GRK4: variants seen among roughly 807,000 people sequenced by gnomAD.
The protein encoded by GRK4 is G protein-coupled receptor kinase 2-like.
In GRK4, 73 loss-of-function variants were observed where a neutral mutation model predicts 77.9. That is an observed-to-expected ratio of 0.94 (90% CI 0.78 to 1.14). GRK4 has a LOEUF of 1.14. Among genes scored for constraint, GRK4 ranks in the 50% most tolerant of loss-of-function variants. GRK4 has a pLI of 0.00. For missense variants in GRK4, 729 were observed against 700.2 expected (o/e 1.04, Z -0.46); for synonymous variants, 257 against 254.4 (o/e 1.01, Z -0.10).
chr4:2,975,301 CA>C (rs1720783884), intron 1 of GRK4, among the ~76,000 whole-genome samples: 1 of 152,208 alleles, frequency 6.6e-6, no homozygotes, highest in African/African-American at 2.4e-5. Context: ...GACTCTGTCT[CA>C]AAAAAAGACC....
chr4:2,980,549 T>G (rs2109518194), intron 1 of GRK4, among the ~76,000 whole-genome samples: 1 of 151,720 alleles, frequency 6.6e-6, no homozygotes, highest in Non-Finnish European at 1.5e-5. Flanking sequence ...GAACAGCACC[T>G]AGATGAGGCA....
intron 12 of GRK4, among the ~76,000 whole-genome samples, chr4:3,030,312 C>CA (rs1244862536): frequency 6.6e-6 from 1 of 152,246 alleles, no homozygotes. Flanking sequence ...TGTCAGGGTC[C>CA]ATCTGCCTCT....
chr4:3,027,930 A>G lies in GRK4; in HGVS notation c.989A>G (p.Asp330Gly), dbSNP rs1738035922. ...LDDRGHIRIS[D>G]LGLATEIPEG... is the part of the protein sequence containing the mutation. ...CACACAGGACACATCCGGATTTCAG[A>G]CCTCGGTTTGGCCACAGAGATCCCA... Residue 330 changes from aspartate to glycine, a missense_variant, in exon 11 of 16, where the codon GAC becomes GGC. Coordinates refer to ENST00000398052, the MANE Select transcript of GRK4 (RefSeq NM_182982.3). 1.9e-6 allele frequency: 3 copies of G among 1,613,856 alleles called. No individual in the cohort carries two copies. Among genetic ancestry groups the G allele is most frequent in the South Asian group, 2.2e-5 (2 of 91,064 alleles).
intron 11 of GRK4, 47 bp downstream of exon 11, chr4:3,028,048 T>C: frequency 1.3e-6 from 2 of 1,547,074 alleles, no homozygotes; most frequent in East Asian, 2.2e-5. Context: ...TCCGGGTGCC[T>C]GAGTGCCTCA....
intron 8 of GRK4, among the ~76,000 whole-genome samples, chr4:3,015,860 G>A (rs1037017745): frequency 7.9e-5 from 12 of 151,092 alleles, no homozygotes; most frequent in Non-Finnish European, 1.5e-4. Flanking sequence ...GATCACTTGA[G>A]CCCAGGAGTT....
At chr4:3,005,595 G>C (rs1731081221) in intron 5 of GRK4, among the ~76,000 whole-genome samples, 1 of 152,080 alleles carries the variant, frequency 6.6e-6, no homozygotes, top group Non-Finnish European at 1.5e-5. Flanking sequence ...TTGAGGCCAG[G>C]AGTTCAAGAC....
chr4:3,004,104 C>T, intron 4 of GRK4, 127 bp from the exon 5 acceptor site: 1 of 691,580 alleles, frequency 1.4e-6, no homozygotes, highest in Non-Finnish European at 2.5e-6. Flanking sequence ...GTGGAGGGTC[C>T]AGGTGGCACT....
At chr4:3,007,949 G>A (rs1731791016) in intron 6 of GRK4, 121 bp downstream of exon 6, 4 of 631,338 alleles carry the variant, frequency 6.3e-6, no homozygotes, top group East Asian at 5.6e-5. Context: ...GCTATAGTAC[G>A]GGATGATCAA....
intron 4 of GRK4, among the ~76,000 whole-genome samples, chr4:2,998,098 C>G (rs2109754475): frequency 6.6e-6 from 1 of 152,096 alleles, no homozygotes; most frequent in South Asian, 2.1e-4. Flanking sequence ...TGGCTCATAC[C>G]TGTGATCCAG....
At chr4:2,984,287 A>G (rs1723622625) in intron 1 of GRK4, among the ~76,000 whole-genome samples, 1 of 152,240 alleles carries the variant, frequency 6.6e-6, no homozygotes. Flanking sequence ...GAGGCTCACC[A>G]TGGCTTCTAA....
At chr4:2,989,651 C>G (rs1447180687) in intron 3 of GRK4, among the ~76,000 whole-genome samples, 1 of 152,150 alleles carries the variant, frequency 6.6e-6, no homozygotes, top group Non-Finnish European at 1.5e-5. Context: ...TTTCTGCACT[C>G]AACTGGCCAA....
chr4:3,009,866 TGG>T (rs1732392646), intron 7 of GRK4, among the ~76,000 whole-genome samples, 155 bp downstream of exon 7: 1 of 152,222 alleles, frequency 6.6e-6, no homozygotes, highest in Admixed American at 6.5e-5. Context: ...AGAATCCACA[TGG>T]AATTTTGAGC....
At chr4:2,984,881 A>G (rs548024772) in intron 2 of GRK4, among the ~76,000 whole-genome samples, 1 of 152,124 alleles carries the variant, frequency 6.6e-6, no homozygotes, top group East Asian at 1.9e-4. Context: ...TCCTGAGCTC[A>G]AGCAGTCTGC....
chr4:3,032,890 T>C (rs1280219146), intron 12 of GRK4, among the ~76,000 whole-genome samples: 3 of 152,198 alleles, frequency 2.0e-5, no homozygotes, highest in Non-Finnish European at 4.4e-5. Context: ...GAGGCCAGCT[T>C]TTGGACCAAG....
At chr4:3,005,520 A>C (rs1232198017) in intron 5 of GRK4, among the ~76,000 whole-genome samples, 1 of 152,092 alleles carries the variant, frequency 6.6e-6, no homozygotes, top group Non-Finnish European at 1.5e-5. Flanking sequence ...AATAACACAC[A>C]GGCCGGGCGC....
At chr4:3,011,090 G>T (rs1732786801) in intron 7 of GRK4, among the ~76,000 whole-genome samples, 2 of 152,108 alleles carry the variant, frequency 1.3e-5, no homozygotes, top group African/African-American at 2.4e-5. Context: ...TTCTTACTTG[G>T]ACTCTTGCTA....
chr4:3,016,736 A>T (rs961387730), intron 8 of GRK4, among the ~76,000 whole-genome samples: 4 of 151,972 alleles, frequency 2.6e-5, no homozygotes, highest in African/African-American at 7.2e-5. Flanking sequence ...ATACAAAAAA[A>T]CAAAACAAAA....
chr4:3,004,675 A>G (rs1235861838), intron 5 of GRK4, among the ~76,000 whole-genome samples: 1 of 151,944 alleles, frequency 6.6e-6, no homozygotes, highest in African/African-American at 2.4e-5. Flanking sequence ...TAAGAAAATC[A>G]TAAGGAAGAG....
At chr4:3,017,228 A>G (rs976287707) in intron 8 of GRK4, among the ~76,000 whole-genome samples, 1 of 152,254 alleles carries the variant, frequency 6.6e-6, no homozygotes, top group African/African-American at 2.4e-5. Context: ...AGCCTCTGCC[A>G]CATCAGGCCT....
Sources: gnomAD v4.1 joint callset for allele counts (sites outside exome capture counted in the v4.1 genomes callset) on GRCh38, gnomAD v4.1.1 for gene constraint, MANE v1.5 for transcripts, NCBI Gene and HGNC (gene_info 2026-07-23, HGNC 2026-07-21) for gene names.